The following NLGN2 variants were observed in gnomAD, a reference collection of about 807,000 sequenced individuals.
The protein encoded by NLGN2 is neuroligin-2.
A neutral mutation model predicts 48.6 loss-of-function variants in NLGN2; 11 were observed. The ratio of observed to expected loss-of-function variants is 0.23; its 90% CI spans 0.14 to 0.37. The LOEUF (loss-of-function observed/expected upper bound fraction) is 0.37, where lower values mean the gene tolerates loss of function less well. NLGN2 is among the 10% of genes least tolerant of loss of function. The pLI, the probability that NLGN2 is intolerant of heterozygous loss-of-function variation, is 1.00. For synonymous variants in NLGN2, 548 were observed against 550.0 expected (o/e 1.00, Z 0.05); for missense variants, 801 against 1,225.2 (o/e 0.65, Z 5.17).
intron 1 of NLGN2, among the ~76,000 whole-genome samples, chr17:7,410,091 C>T (rs565706407): frequency 1.2e-4 from 19 of 152,114 alleles, no homozygotes; most frequent in African/African-American, 4.1e-4. Context: ...TCATCTGCAC[C>T]GGACCTCAGG....
chr17:7,417,204 C>T lies in NLGN2; in HGVS notation c.1913C>T (p.Pro638Leu), dbSNP rs368710674. The part of the protein sequence containing the change: ...RWPPRPPAGA[P>L]GTRRPPPPAT... ...CCGCCTCGTCCCCCCGCTGGCGCCCCGGGCACACGCCGGCCCCCGCCGCCT... is the reference window on the plus strand; with the variant it reads ...CCGCCTCGTCCCCCCGCTGGCGCCCTGGGCACACGCCGGCCCCCGCCGCCT... The change falls in exon 7 of 7, where the codon CCG becomes CTG. Residue 638 changes from proline (P) to leucine (L), a missense_variant. Pro to Leu is a moderately conservative substitution (Grantham distance 98). Around this residue, in one of 5 missense-constraint regions of NLGN2, gnomAD observed 276 missense variants for 313.9 expected, o/e 0.88. Transcript: ENST00000302926. The T allele has an allele frequency of 1.2e-5, 19 of 1,558,686 alleles. No individual in the cohort carries two copies. Among genetic ancestry groups the T allele is most frequent in the Non-Finnish European group, 1.3e-5 (15 of 1,154,174 alleles).
intron 2 of NLGN2, 147 bp from the exon 3 acceptor site, chr17:7,414,197 G>A (rs527371952): frequency 2.4e-5 from 17 of 703,344 alleles, no homozygotes; most frequent in Non-Finnish European, 3.9e-5. Flanking sequence ...GGGGAATCCG[G>A]TCTTGCCCCC....
chr17:7,417,456 T>G lies in NLGN2; in HGVS notation c.2165T>G (p.Val722Gly), dbSNP rs1360203022. 1.3e-6 allele frequency: 2 copies of G among 1,565,212 alleles called. No homozygotes were observed. Among genetic ancestry groups the G allele is most frequent in the African/African-American group, 2.7e-5 (2 of 72,784 alleles). ...CCACCTGGCGGCTCAGGCTCTGGCG[T>G]GCCTGGTGGGGGCCCCCTGCTCCCC... Reference protein sequence around the residue: ...LSPPGGSGSGVPGGGPLLPAA... With the variant: ...LSPPGGSGSGGPGGGPLLPAA... Residue 722 changes from valine (V) to glycine (G), a missense_variant, in exon 7 of 7, where the codon GTG becomes GGG. By Grantham distance (109) the Val-to-Gly change is moderately radical (BLOSUM62 -3). Transcript: ENST00000302926.
At chr17:7,406,573 C>T (rs1288301654), upstream of NLGN2, among the ~76,000 whole-genome samples, 2 of 149,002 alleles carry the variant, frequency 1.3e-5, no homozygotes, top group Non-Finnish European at 3.0e-5. Context: ...AAATTGACAC[C>T]TGCAGAGAGC....
Position 7,413,902 on chromosome 17 carries a change from A to G in NLGN2, c.509-442A>G, listed in dbSNP as rs1356404231. Among the ~76,000 whole-genome samples the G allele has an allele frequency of 6.6e-6, 1 of 151,848 alleles. No individual in the cohort carries two copies. Among genetic ancestry groups the G allele is most frequent in the Admixed American group, 6.5e-5 (1 of 15,272 alleles). ...ACCCACCGACCAGGGTGCCATGTGG[A>G]GTGGAGGCCCAAGGCCTGAGTCGGA... is the stretch of plus-strand genomic sequence containing the variant. On this transcript the variant is annotated intron_variant, in intron 2 of 6. Coordinates refer to ENST00000302926, the MANE Select transcript of NLGN2 (RefSeq NM_020795.4). The surrounding 1 kb of genome is among the most constrained non-coding windows in gnomAD (Gnocchi z 4.9).
chr17:7,416,137 G>A (rs1415489275), intron 6 of NLGN2, 30 bp downstream of exon 6: 2 of 1,478,448 alleles, frequency 1.4e-6, no homozygotes, highest in Non-Finnish European at 1.9e-6. Context: ...GGCGGGGCTG[G>A]GCGGGGCCCT....
intron 1 of NLGN2, 61 bp from the exon 2 acceptor site, chr17:7,412,096 C>T (rs970321084): frequency 3.6e-5 from 41 of 1,132,610 alleles, no homozygotes; most frequent in Middle Eastern, 2.7e-4. Flanking sequence ...CACCTCCCCC[C>T]GACCCCCATC....
At chr17:7,406,670 G>A (rs1360355599), upstream of NLGN2, among the ~76,000 whole-genome samples, 3 of 147,466 alleles carry the variant, frequency 2.0e-5, no homozygotes, top group African/African-American at 7.4e-5. Flanking sequence ...GGGGCTTGCC[G>A]AAATGACCTG....
At position 7,408,433 on chromosome 17, in the gene NLGN2, A is replaced by T. The variant is rs1304275639; in HGVS notation, c.178A>T (p.Asn60Tyr). The T allele has an allele frequency of 6.4e-7, 1 of 1,569,096 alleles. No individual in the cohort carries two copies. Among genetic ancestry groups the T allele is most frequent in the Non-Finnish European group, 8.6e-7 (1 of 1,161,668 alleles). ...GCGCGGTGTGCGGCGCGAGCTCAACAACGAGATCCTGGGCCCCGTCGTGCA... is the reference window on the plus strand; with the variant it reads ...GCGCGGTGTGCGGCGCGAGCTCAACTACGAGATCCTGGGCCCCGTCGTGCA... ...RVRGVRRELNNEILGPVVQFL... is the reference protein window; with the variant it reads ...RVRGVRRELNYEILGPVVQFL... The change falls in exon 1 of 7, where the codon AAC (asparagine) becomes TAC (tyrosine). Residue 60 changes from asparagine to tyrosine, a missense_variant. Physicochemically the swap from Asn to Tyr is moderately radical, Grantham distance 143. This residue lies in a region of NLGN2 where 164 missense variants were observed against 186.2 expected (regional missense o/e 0.88). Transcript: ENST00000302926. The surrounding 1 kb of genome is among the most constrained non-coding windows in gnomAD (Gnocchi z 7.5).
In NLGN2 at chr17:7,408,363, C is replaced by T. The variant is rs1193093152; in HGVS notation, c.108C>T (p.Leu36=). 2 of 1,496,438 alleles carry T rather than the reference C, an allele frequency of 1.3e-6. No individual in the cohort carries two copies. The highest frequency in any genetic ancestry group is 1.8e-6 in the Non-Finnish European group (2 of 1,126,868). The allele number at this position is 1,496,438 out of a possible 1,614,324, so 92.7% of individuals were successfully genotyped here. The change falls in exon 1 of 7, where the codon CTC becomes CTT. Residue 36 remains leucine (L), a synonymous_variant. Transcript: ENST00000302926. This position sits in a 1 kb window ranked among gnomAD's most constrained non-coding sequence, Gnocchi z 7.5. Reference sequence around the variant, plus strand: ...GCCCCGGCCTGGGCCTCGGCAGCCTCGGCGAGGAGCGCTTCCCGGTGGTGA... The same window carrying T: ...GCCCCGGCCTGGGCCTCGGCAGCCTTGGCGAGGAGCGCTTCCCGGTGGTGA... ...PGGPGLGLGS[L]GEERFPVVNT...
In NLGN2 at chr17:7,413,290, T is replaced by A. The variant is rs1906973658; in HGVS notation, c.509-1054T>A. On this transcript the variant is annotated intron_variant, in intron 2 of 6. Transcript: ENST00000302926. This position sits in a 1 kb window ranked among gnomAD's most constrained non-coding sequence, Gnocchi z 4.9. ...GTCTTAGTGACCTGCAGGTTGACCT[T>A]CTGGCAGGAGGGATGTTTCTACCAG... Among the ~76,000 whole-genome samples, 2 of 152,168 alleles carry A rather than the reference T, an allele frequency of 1.3e-5. No individual in the cohort carries two copies. Among genetic ancestry groups the A allele is most frequent in the African/African-American group, 4.8e-5 (2 of 41,438 alleles).
intron 2 of NLGN2, 86 bp from the exon 3 acceptor site, chr17:7,414,258 C>G (rs1218882132): frequency 7.8e-7 from 1 of 1,288,876 alleles, no homozygotes; most frequent in Admixed American, 1.9e-5. Context: ...CCTCAGCAGG[C>G]CTGGGAGCTG....
intron 1 of NLGN2, 84 bp from the exon 2 acceptor site, chr17:7,412,073 C>A: frequency 1.5e-6 from 1 of 649,788 alleles, no homozygotes; most frequent in East Asian, 3.4e-5. Flanking sequence ...TCTCTCCTCC[C>A]CTCCCCATCC....
At chr17:7,416,370 C>T (rs1280281471) in intron 6 of NLGN2, among the ~76,000 whole-genome samples, 1 of 136,078 alleles carries the variant, frequency 7.3e-6, no homozygotes, top group African/African-American at 2.5e-5. Context: ...CCTGATCCCC[C>T]CTGCCCGACC....
chr17:7,416,135 T>TGGGCGG (rs1165208136), intron 6 of NLGN2, 28 bp downstream of exon 6: 7 of 492,824 alleles, frequency 1.4e-5, no homozygotes, highest in Non-Finnish European at 2.9e-5. Context: ...TGGGCGGGGC[T>TGGGCGG]GGGCGGGGCC....
chr17:7,408,426 G>T lies in NLGN2; in HGVS notation c.171G>T (p.Glu57Asp). 1 of 1,569,874 alleles carries T rather than the reference G, an allele frequency of 6.4e-7. No homozygotes were observed. The highest frequency in any genetic ancestry group is 8.6e-7 in the Non-Finnish European group (1 of 1,162,000). ...GGCGAGTGCGCGGTGTGCGGCGCGAGCTCAACAACGAGATCCTGGGCCCCG... is the reference window on the plus strand; with the variant it reads ...GGCGAGTGCGCGGTGTGCGGCGCGATCTCAACAACGAGATCCTGGGCCCCG... The part of the protein sequence containing the change: ...AYGRVRGVRR[E>D]LNNEILGPVV... The change falls in exon 1 of 7, where the codon GAG (glutamate) becomes GAT (aspartate). Residue 57 changes from glutamate to aspartate, a missense_variant. Glu to Asp is a conservative substitution (Grantham distance 45, BLOSUM62 2). Transcript: ENST00000302926. This position sits in a 1 kb window ranked among gnomAD's most constrained non-coding sequence, Gnocchi z 7.5.
chr17:7,413,120 G>A lies in NLGN2; in HGVS notation c.508+913G>A, dbSNP rs1906966747. ...CTGGGAGGTCACTTGAGGTTCAGGA[G>A]CAAAGGAGAGGACAGGATTTGAGGA... On this transcript the variant is annotated intron_variant, in intron 2 of 6. Transcript: ENST00000302926. This position sits in a 1 kb window ranked among gnomAD's most constrained non-coding sequence, Gnocchi z 4.9. Among the ~76,000 whole-genome samples the A allele has an allele frequency of 6.6e-6, 1 of 152,232 alleles. No individual in the cohort carries two copies. The highest frequency in any genetic ancestry group is 2.4e-5 in the African/African-American group (1 of 41,462).
chr17:7,409,983 T>C (rs773451121), intron 1 of NLGN2, among the ~76,000 whole-genome samples: 104 of 152,000 alleles, frequency 6.8e-4, no homozygotes, highest in Non-Finnish European at 6.5e-4. Flanking sequence ...TCCAGTAACC[T>C]GCGCGCCTGG....
chr17:7,410,837 C>T (rs749447994), intron 1 of NLGN2, among the ~76,000 whole-genome samples: 7 of 152,254 alleles, frequency 4.6e-5, no homozygotes, highest in Non-Finnish European at 8.8e-5. Context: ...CACACACACG[C>T]GCTTCATAGA....
Sources: gnomAD v4.1 joint callset for allele counts (sites outside exome capture counted in the v4.1 genomes callset) on GRCh38, gnomAD v4.1.1 for gene constraint, gnomAD v4.1.1 regional missense constraint, Gnocchi (gnomAD v3.1) non-coding constraint, MANE v1.5 for transcripts, NCBI Gene and HGNC (gene_info 2026-07-23, HGNC 2026-07-21) for gene names.